ATG2B: variants seen among roughly 807,000 people sequenced by gnomAD.
ATG2B encodes autophagy related 2B.
ATG2B carries 121 observed loss-of-function variants against 241.3 expected under a neutral mutation model. That is an observed-to-expected ratio of 0.50 (90% CI 0.43 to 0.58). ATG2B has a LOEUF of 0.58. ATG2B is among the 20% of genes least tolerant of loss of function. The pLI is 0.00. For missense variants in ATG2B, 2,306 were observed against 2,491.6 expected (o/e 0.93, Z 1.59); for synonymous variants, 858 against 876.6 (o/e 0.98, Z 0.37).
At chr14:96,345,973 G>A (rs1888158755) in intron 2 of ATG2B, among the ~76,000 whole-genome samples, 1 of 152,062 alleles carries the variant, frequency 6.6e-6, no homozygotes, top group South Asian at 2.1e-4. Flanking sequence ...AGTAAATTCT[G>A]CCCTCAGAGA....
chr14:96,323,250 G>A (rs1887504301), intron 16 of ATG2B, among the ~76,000 whole-genome samples: 1 of 152,142 alleles, frequency 6.6e-6, no homozygotes, highest in African/African-American at 2.4e-5. Flanking sequence ...TGCTGTTTCT[G>A]TTTTATAACC....
chr14:96,335,227 T>C (rs1303380086), intron 6 of ATG2B, among the ~76,000 whole-genome samples: 2 of 152,230 alleles, frequency 1.3e-5, no homozygotes, highest in Middle Eastern at 3.2e-3. Flanking sequence ...TTACTTTTCA[T>C]TCGCCTCCTC....
At chr14:96,297,305 AGG>A in intron 34 of ATG2B, among the ~76,000 whole-genome samples, 1 of 151,062 alleles carries the variant, frequency 6.6e-6, no homozygotes, top group Non-Finnish European at 1.5e-5. Context: ...AAAAAAAAAA[AGG>A]GAGACTAAAG....
chr14:96,319,252 A>G (rs1887396759), intron 18 of ATG2B, among the ~76,000 whole-genome samples: 1 of 152,196 alleles, frequency 6.6e-6, no homozygotes, highest in South Asian at 2.1e-4. Context: ...GTCTAAACAC[A>G]GTCTTGATAC....
At chr14:96,286,006 G>A (rs1489424160) in intron 41 of ATG2B, 21 bp from the exon 42 acceptor site, 3 of 1,586,104 alleles carry the variant, frequency 1.9e-6, no homozygotes, top group East Asian at 2.3e-5. Context: ...GAGGGAGGTA[G>A]GAGAGAGGAG....
At chr14:96,351,735 C>CAA (rs547639757) in intron 1 of ATG2B, among the ~76,000 whole-genome samples, 3 of 122,548 alleles carry the variant, frequency 2.4e-5, no homozygotes, top group African/African-American at 3.0e-5. Context: ...GACTCCGTCT[C>CAA]AAAAAAAAAA....
intron 35 of ATG2B, 60 bp downstream of exon 35, chr14:96,295,422 T>A (rs1886610140): frequency 8.3e-7 from 1 of 1,201,132 alleles, no homozygotes; most frequent in African/African-American, 1.5e-5. Context: ...AAAAGCCTCA[T>A]AACAATTAAA....
intron 23 of ATG2B, 84 bp from the exon 24 acceptor site, chr14:96,313,519 A>G (rs1407100025): frequency 1.8e-6 from 1 of 565,288 alleles, no homozygotes; most frequent in East Asian, 3.1e-5. Flanking sequence ...TGTAAACCAG[A>G]ATATCTCACA....
At chr14:96,287,847 C>G (rs1192291449) in intron 41 of ATG2B, among the ~76,000 whole-genome samples, 2 of 152,086 alleles carry the variant, frequency 1.3e-5, no homozygotes, top group Non-Finnish European at 2.9e-5. Context: ...ATTAATAGCT[C>G]AAAGGCCCAT....
chr14:96,331,254 A>C, intron 11 of ATG2B, 122 bp downstream of exon 11: 1 of 942,434 alleles, frequency 1.1e-6, no homozygotes, highest in African/African-American at 1.7e-5. Flanking sequence ...TTACAAATAA[A>C]ATGTGAATTA....
intron 21 of ATG2B, 141 bp downstream of exon 21, chr14:96,316,392 T>C (rs1887313822): frequency 1.2e-6 from 1 of 821,202 alleles, no homozygotes; most frequent in Non-Finnish European, 1.9e-6. Context: ...AATTTGTAAA[T>C]ATTACTTTGA....
intron 1 of ATG2B, among the ~76,000 whole-genome samples, chr14:96,349,299 G>A (rs143502719): frequency 6.6e-6 from 1 of 152,268 alleles, no homozygotes; most frequent in African/African-American, 2.4e-5. Context: ...CGAAGACCCA[G>A]AGACAAGGCT....
chr14:96,340,887 C>T (rs950891377), intron 6 of ATG2B, among the ~76,000 whole-genome samples: 2 of 145,716 alleles, frequency 1.4e-5, no homozygotes, highest in Non-Finnish European at 3.0e-5. Context: ...CACTGCACCC[C>T]TGCACCCCTG....
At chr14:96,356,140 C>T (rs1383319524) in intron 1 of ATG2B, among the ~76,000 whole-genome samples, 1 of 148,448 alleles carries the variant, frequency 6.7e-6, no homozygotes, top group African/African-American at 2.5e-5. Context: ...CACTGCACTC[C>T]AACCTGGGTG....
rs1353952768 is a variant in ATG2B, at chr14:96,304,358, G to C, written c.4842+137C>G. The C allele has an allele frequency of 1.0e-5, 6 of 573,838 alleles. 1 individual carries two copies. In the South Asian group the frequency reaches 1.1e-4, roughly 10 times the overall value. The allele number at this position is 573,838 out of a possible 1,614,324, so 35.5% of individuals were successfully genotyped here. A position where few individuals can be genotyped will look rare whatever the true frequency, so the allele number is the denominator to read the frequency against. ...ATTTGAGAATGAAAAAGAGGTAAGA[G>C]TTTTATACAAGATCCTTGCACTTTT... On this transcript the variant is annotated intron_variant, in intron 32 of 41. Transcript: ENST00000359933.
At chr14:96,297,191 T>G (rs1886666576) in intron 34 of ATG2B, among the ~76,000 whole-genome samples, 1 of 151,946 alleles carries the variant, frequency 6.6e-6, no homozygotes, top group South Asian at 2.1e-4. Context: ...TATAAAATGC[T>G]ATTCTTTGGC....
intron 1 of ATG2B, among the ~76,000 whole-genome samples, chr14:96,354,977 T>C (rs1888435409): frequency 6.6e-6 from 1 of 152,228 alleles, no homozygotes; most frequent in South Asian, 2.1e-4. Context: ...CTTTGCCCAC[T>C]TTTTAATGGG....
chr14:96,311,391 C>G (rs749525582), intron 27 of ATG2B, 104 bp from the exon 28 acceptor site: 4 of 1,242,250 alleles, frequency 3.2e-6, no homozygotes, highest in Non-Finnish European at 4.5e-6. Flanking sequence ...TAATCTGTCT[C>G]GCTACATAAA....
intron 27 of ATG2B, 57 bp from the exon 28 acceptor site, chr14:96,311,344 T>C: frequency 6.7e-7 from 1 of 1,494,274 alleles, no homozygotes; most frequent in Non-Finnish European, 9.1e-7. Context: ...CAAAAGTTTC[T>C]TTTTTTGCAT....
Sources: allele counts gnomAD v4.1 joint callset (sites outside exome capture counted in the v4.1 genomes callset), GRCh38; gene constraint gnomAD v4.1.1; transcripts MANE v1.5; gene names NCBI Gene and HGNC (gene_info 2026-07-23, HGNC 2026-07-21).